ZNF644: variants seen among roughly 807,000 people sequenced by gnomAD.
ZNF644 encodes the protein zinc finger motif enhancer binding protein 2.
ZNF644 carries 20 observed loss-of-function variants against 108.0 expected under a neutral mutation model. That is an observed-to-expected ratio of 0.19 (90% CI 0.13 to 0.27). The LOEUF (loss-of-function observed/expected upper bound fraction) is 0.27. Among genes scored for constraint, ZNF644 ranks in the 10% least tolerant of loss-of-function variants. The pLI is 1.00. For missense variants in ZNF644, 1,338 were observed against 1,548.9 expected, an observed-to-expected ratio of 0.86 and a Z score of 2.29; for synonymous variants, 542 against 539.1, an observed-to-expected ratio of 1.01 and a Z score of -0.08.
intron 2 of ZNF644, among the ~76,000 whole-genome samples, chr1:90,975,143 G>A (rs1019877045): frequency 1.3e-5 from 2 of 152,154 alleles, no homozygotes; most frequent in African/African-American, 4.8e-5. Flanking sequence ...TTTATTAAAT[G>A]TCTATGAGTA....
intron 1 of ZNF644, among the ~76,000 whole-genome samples, chr1:90,988,209 T>C (rs1657300074): frequency 6.6e-6 from 1 of 152,106 alleles, no homozygotes; most frequent in African/African-American, 2.4e-5. Flanking sequence ...AGTTAAAGGA[T>C]ACAAAAAATA....
intron 1 of ZNF644, among the ~76,000 whole-genome samples, chr1:90,999,828 A>C (rs1658576756): frequency 6.6e-6 from 1 of 152,230 alleles, no homozygotes; most frequent in South Asian, 2.1e-4. Context: ...GCTCAAAATA[A>C]AGGGATGGAA....
chr1:91,007,355 G>A (rs1321977249), intron 1 of ZNF644, among the ~76,000 whole-genome samples: 4 of 149,698 alleles, frequency 2.7e-5, no homozygotes, highest in South Asian at 2.1e-4. Flanking sequence ...CTGGGATTAC[G>A]GGTGCATACC....
intron 2 of ZNF644, among the ~76,000 whole-genome samples, chr1:90,953,173 T>TC (rs1230219719): frequency 2.0e-5 from 3 of 151,366 alleles, no homozygotes; most frequent in Admixed American, 6.6e-5. Context: ...ACCAAACATC[T>TC]CCCCCCCTCA....
At chr1:90,962,876 A>G (rs1393295412) in intron 2 of ZNF644, among the ~76,000 whole-genome samples, 1 of 152,154 alleles carries the variant, frequency 6.6e-6, no homozygotes, top group Non-Finnish European at 1.5e-5. Context: ...GAATATCTTC[A>G]TGTCCTTGGA....
At chr1:91,003,573 C>T (rs1019027031) in intron 1 of ZNF644, among the ~76,000 whole-genome samples, 1 of 151,880 alleles carries the variant, frequency 6.6e-6, no homozygotes, top group African/African-American at 2.4e-5. Context: ...GGAGATATAC[C>T]TAATGCTAAA....
At chr1:90,933,650 C>T (rs373652259) in intron 4 of ZNF644, among the ~76,000 whole-genome samples, 3 of 144,966 alleles carry the variant, frequency 2.1e-5, no homozygotes, top group African/African-American at 2.6e-5. Flanking sequence ...GGTGACAGAG[C>T]GAGACTCCGT....
chr1:90,923,385 C>T (rs1010904071), intron 4 of ZNF644, among the ~76,000 whole-genome samples: 5 of 152,006 alleles, frequency 3.3e-5, no homozygotes, highest in African/African-American at 1.2e-4. Flanking sequence ...TTGTTAAATC[C>T]CCACTCTACA....
At chr1:91,020,100 G>A (rs1035183493) in intron 1 of ZNF644, among the ~76,000 whole-genome samples, 2 of 152,000 alleles carry the variant, frequency 1.3e-5, no homozygotes, top group Non-Finnish European at 2.9e-5. Context: ...AAAAGAGGAG[G>A]GTAAGAGCAG....
chr1:90,968,838 T>C (rs1021335831), intron 2 of ZNF644, among the ~76,000 whole-genome samples: 1 of 152,188 alleles, frequency 6.6e-6, no homozygotes, highest in African/African-American at 2.4e-5. Flanking sequence ...CAGTATACCT[T>C]GAATGCATAT....
intron 2 of ZNF644, among the ~76,000 whole-genome samples, chr1:90,965,387 T>G (rs1349653819): frequency 1.3e-5 from 2 of 152,162 alleles, no homozygotes; most frequent in Non-Finnish European, 2.9e-5. Flanking sequence ...CTCCTTTTTA[T>G]AAGCACATCA....
intron 2 of ZNF644, among the ~76,000 whole-genome samples, chr1:90,958,527 G>A (rs562021546): frequency 1.1e-4 from 16 of 151,768 alleles, no homozygotes; most frequent in Non-Finnish European, 7.4e-5. Context: ...AAACAGTACC[G>A]AGAAAGAAAA....
chr1:91,016,043 A>C (rs943184851), intron 1 of ZNF644, among the ~76,000 whole-genome samples: 3 of 152,212 alleles, frequency 2.0e-5, no homozygotes, highest in Admixed American at 1.3e-4. Context: ...TTCAAGGCTT[A>C]CACTTTCAAA....
intron 4 of ZNF644, among the ~76,000 whole-genome samples, chr1:90,934,388 G>A (rs1342197500): frequency 6.6e-6 from 1 of 152,068 alleles, no homozygotes; most frequent in Non-Finnish European, 1.5e-5. Flanking sequence ...AAAGCAGGAG[G>A]CAGTGATCTA....
intron 1 of ZNF644, among the ~76,000 whole-genome samples, chr1:91,009,864 GA>G (rs1407474984): frequency 4.6e-5 from 7 of 152,126 alleles, no homozygotes; most frequent in Non-Finnish European, 1.0e-4. Context: ...AATACCAGAA[GA>G]TAGTAAAATT....
chr1:90,993,126 G>A (rs1657802624), intron 1 of ZNF644, among the ~76,000 whole-genome samples: 1 of 152,054 alleles, frequency 6.6e-6, no homozygotes, highest in Non-Finnish European at 1.5e-5. Flanking sequence ...AACACCAGTG[G>A]AATCCAGCAG....
intron 2 of ZNF644, among the ~76,000 whole-genome samples, chr1:90,971,387 A>G (rs1480658137): frequency 6.6e-6 from 1 of 151,888 alleles, no homozygotes; most frequent in Non-Finnish European, 1.5e-5. Context: ...AACTACTTCA[A>G]TGTAATAAAA....
At position 90,964,323 on chromosome 1, in the gene ZNF644, A is replaced by T. The variant is rs531535564; in HGVS notation, c.44+17987T>A. Reference sequence around the variant, plus strand: ...AAAGTTGAAGATGTTTGTTTCTAATATTAAAAATCTATTTTCTCACATTTA... The same window carrying T: ...AAAGTTGAAGATGTTTGTTTCTAATTTTAAAAATCTATTTTCTCACATTTA... On this transcript the variant is annotated intron_variant, in intron 2 of 5. Coordinates refer to ENST00000337393, the MANE Select transcript of ZNF644 (RefSeq NM_201269.3). Among the ~76,000 whole-genome samples the T allele has an allele frequency of 2.6e-5, 4 of 152,268 alleles. No homozygotes were observed. In the East Asian group the frequency reaches 7.7e-4, roughly 29 times the overall value.
chr1:90,987,082 C>T (rs1305460314), intron 1 of ZNF644, among the ~76,000 whole-genome samples: 1 of 141,340 alleles, frequency 7.1e-6, no homozygotes, highest in African/African-American at 2.6e-5. Context: ...AAAAAACCCA[C>T]AAATCAACAA....
Sources: allele counts gnomAD v4.1 joint callset (sites outside exome capture counted in the v4.1 genomes callset), GRCh38; gene constraint gnomAD v4.1.1; transcripts MANE v1.5; gene names NCBI Gene and HGNC (gene_info 2026-07-23, HGNC 2026-07-21).